FAM47E: variants seen among roughly 807,000 people sequenced by gnomAD.
FAM47E encodes family with sequence similarity 47 member E.
FAM47E carries 32 observed loss-of-function variants against 41.6 expected under a neutral mutation model. The observed-to-expected ratio is 0.77, with a 90% CI of 0.58 to 1.03. The LOEUF is 1.03. Among genes scored for constraint, FAM47E ranks in the 50% least tolerant of loss-of-function variants. The pLI, the probability that FAM47E is intolerant of heterozygous loss-of-function variation, is 0.00. For synonymous variants in FAM47E, 184 were observed against 188.7 expected, an observed-to-expected ratio of 0.98 and a Z score of 0.20; for missense variants, 424 against 485.4, an observed-to-expected ratio of 0.87 and a Z score of 1.19.
chr4:76,242,086 C>G (rs979182820), intron 2 of FAM47E, among the ~76,000 whole-genome samples: 1 of 152,138 alleles, frequency 6.6e-6, no homozygotes, highest in Non-Finnish European at 1.5e-5. Flanking sequence ...CAGATCTTTT[C>G]TATGCTTATA....
chr4:76,225,339 G>T (rs190664217), intron 2 of FAM47E, among the ~76,000 whole-genome samples: 1 of 152,158 alleles, frequency 6.6e-6, no homozygotes, highest in South Asian at 2.1e-4. Flanking sequence ...TATCATCAGC[G>T]AACAGTGACA....
intron 6 of FAM47E, 101 bp from the exon 7 acceptor site, chr4:76,280,163 A>G: frequency 1.4e-6 from 1 of 702,256 alleles, no homozygotes; most frequent in Non-Finnish European, 2.4e-6. Context: ...ATGGGTTAAA[A>G]TGAGATACTT....
chr4:76,274,047 T>C (rs1735001089), intron 5 of FAM47E, among the ~76,000 whole-genome samples: 1 of 152,234 alleles, frequency 6.6e-6, no homozygotes, highest in African/African-American at 2.4e-5. Flanking sequence ...TGTTTACTGA[T>C]TCTAACATCT....
intron 2 of FAM47E, chr4:76,217,710 C>A: frequency 1.8e-6 from 1 of 554,388 alleles, no homozygotes; most frequent in Non-Finnish European, 3.3e-6. Context: ...GCAACACAAA[C>A]AGACAAGGGC....
chr4:76,263,112 A>C (rs1734488274), intron 2 of FAM47E, among the ~76,000 whole-genome samples: 1 of 151,976 alleles, frequency 6.6e-6, no homozygotes, highest in South Asian at 2.1e-4. Flanking sequence ...TAGGTTGTAC[A>C]TCACTGTGTT....
intron 3 of FAM47E, among the ~76,000 whole-genome samples, chr4:76,264,407 C>T (rs965506149): frequency 2.6e-5 from 4 of 151,840 alleles, no homozygotes; most frequent in African/African-American, 4.8e-5. Flanking sequence ...AGTTTCCACC[C>T]ATCTTTTTTG....
At chr4:76,241,714 C>T (rs542221129) in intron 2 of FAM47E, among the ~76,000 whole-genome samples, 6 of 152,274 alleles carry the variant, frequency 3.9e-5, no homozygotes, top group Admixed American at 2.6e-4. Flanking sequence ...GGTGGGAAGT[C>T]GGATTCCTGG....
intron 2 of FAM47E, chr4:76,234,287 G>C (rs916155119): frequency 6.6e-6 from 1 of 152,510 alleles, no homozygotes; most frequent in African/African-American, 2.4e-5. Flanking sequence ...GAGAGGTTTT[G>C]AGTCATTTCA....
chr4:76,278,232 T>A lies in FAM47E; in HGVS notation c.1026+8T>A, dbSNP rs563056755. 18 of 1,518,802 alleles carry A rather than the reference T, an allele frequency of 1.2e-5. No homozygotes were observed. The South Asian group carries it at 2.2e-4, about 18-fold the overall frequency. 94.1% of individuals were successfully genotyped at this position (1,518,802 alleles called of 1,614,324 possible). A position where few individuals can be genotyped will look rare whatever the true frequency, so the allele number is the denominator to read the frequency against. On this transcript the variant is annotated splice_region_variant and intron_variant, in intron 6 of 7. Coordinates refer to ENST00000424749, the MANE Select transcript of FAM47E (RefSeq NM_001136570.3). ...AAGGAGCTGCAGGAACAGGTATGTA[T>A]TTATACTGAGATTTGATCATCTGAG...
At chr4:76,272,296 T>C (rs1441910) in intron 5 of FAM47E, among the ~76,000 whole-genome samples, 54,403 of 152,018 alleles carry the variant, frequency 0.36, 10,313 homozygotes, top group Admixed American at 0.42. Flanking sequence ...AAGGGAAGTA[T>C]TGTGGGCCCC....
At chr4:76,221,754 T>G (rs1733312253) in intron 2 of FAM47E, among the ~76,000 whole-genome samples, 2 of 152,172 alleles carry the variant, frequency 1.3e-5, no homozygotes, top group South Asian at 4.1e-4. Context: ...GGAGACTACT[T>G]GAAGGAGGAC....
At chr4:76,274,159 G>A (rs758925527) in intron 5 of FAM47E, among the ~76,000 whole-genome samples, 2 of 152,108 alleles carry the variant, frequency 1.3e-5, no homozygotes, top group Non-Finnish European at 2.9e-5. Flanking sequence ...TGGATGCTAG[G>A]CAGTGCTAAC....
chr4:76,256,454 C>T lies in FAM47E; in HGVS notation c.351C>T (p.Asp117=), dbSNP rs376528509. The part of the protein sequence containing the change: ...AQQARKAFLE[D]VEAHLTPHPL... ...AGGCTCGGAAGGCATTCCTGGAGGA[C>T]GTGGAGGCCCACCTGACCCCACATC... Residue 117 remains aspartate, a synonymous_variant, in exon 2 of 8, where the codon GAC becomes GAT. Coordinates refer to ENST00000424749, the MANE Select transcript of FAM47E (RefSeq NM_001136570.3). 4.2e-5 allele frequency: 65 copies of T among 1,551,890 alleles called. 1 individual carries two copies. The Admixed American group carries it at 4.5e-4, about 11-fold the overall frequency.
At chr4:76,220,011 A>G (rs1001354063) in intron 2 of FAM47E, among the ~76,000 whole-genome samples, 4 of 152,252 alleles carry the variant, frequency 2.6e-5, no homozygotes, top group African/African-American at 9.6e-5. Flanking sequence ...ATTAATGAGT[A>G]GTGTTTGCTT....
At chr4:76,237,416 T>C (rs182070303) in intron 2 of FAM47E, among the ~76,000 whole-genome samples, 1 of 150,420 alleles carries the variant, frequency 6.6e-6, no homozygotes, top group East Asian at 2.0e-4. Flanking sequence ...TGGCTTGAGA[T>C]AGTATGAAAA....
chr4:76,243,722 A>C (rs2109993544), intron 2 of FAM47E, among the ~76,000 whole-genome samples: 1 of 152,188 alleles, frequency 6.6e-6, no homozygotes, highest in Non-Finnish European at 1.5e-5. Context: ...TTTTGTTTTA[A>C]GTATTTTTAA....
At position 76,251,864 on chromosome 4, in the gene FAM47E, C is replaced by A. The variant is rs546112106; in HGVS notation, c.74+44C>A. 15 of 1,364,858 alleles carry A rather than the reference C, an allele frequency of 1.1e-5. No individual in the cohort carries two copies. The African/African-American group carries it at 2.2e-4, about 20-fold the overall frequency. 84.5% of individuals were successfully genotyped at this position (1,364,858 alleles called of 1,614,324 possible). On this transcript the variant is annotated intron_variant, in intron 1 of 7. Transcript: ENST00000424749. Reference sequence around the variant, plus strand: ...GGCCGAGGGCGCATCCCACGCGGGCCGCGCGGGGGCGCCTGGAGACCCGCG... The same window carrying A: ...GGCCGAGGGCGCATCCCACGCGGGCAGCGCGGGGGCGCCTGGAGACCCGCG...
rs1478634489 is a variant in FAM47E at position 76,268,698 on chromosome 4, T to A, written c.599T>A (p.Leu200His). Residue 200 changes from leucine (L) to histidine (H), a missense_variant, in exon 4 of 8, where the codon CTT (leucine) becomes CAT (histidine). Transcript: ENST00000424749. Reference sequence around the variant, plus strand: ...TCTGTGTCAAACGCAGGCCAATGGCTTTATGAAGAAAAGCCACATAAAATG... The same window carrying A: ...TCTGTGTCAAACGCAGGCCAATGGCATTATGAAGAAAAGCCACATAAAATG... ...KTSVSNAGQWLYEEKPHKMDL... is the reference protein window; with the variant it reads ...KTSVSNAGQWHYEEKPHKMDL... The A allele has an allele frequency of 3.2e-6, 5 of 1,551,512 alleles. No homozygotes were observed. The highest frequency in any genetic ancestry group is 4.4e-6 in the Non-Finnish European group (5 of 1,146,918).
intron 1 of FAM47E, among the ~76,000 whole-genome samples, chr4:76,253,878 G>A (rs115982466): frequency 0.018 from 2,687 of 151,758 alleles, 53 homozygotes; most frequent in Middle Eastern, 0.055. Context: ...TTTGGGAAGC[G>A]GAGGCAGGAG....
Sources: allele counts gnomAD v4.1 joint callset (sites outside exome capture counted in the v4.1 genomes callset), GRCh38; gene constraint gnomAD v4.1.1; transcripts MANE v1.5; gene names NCBI Gene and HGNC (gene_info 2026-07-23, HGNC 2026-07-21).